MARCHF7: variants seen among roughly 807,000 people sequenced by gnomAD.
MARCHF7 encodes E3 ubiquitin-protein ligase MARCHF7.
In MARCHF7, 20 loss-of-function variants were observed where a neutral mutation model predicts 76.5. The observed-to-expected ratio is 0.26, with a 90% CI of 0.18 to 0.38. The LOEUF is 0.38. Ranked by LOEUF, MARCHF7 falls within the 10% of genes least tolerant of loss-of-function variation. The probability of loss-of-function intolerance (pLI) is 1.00; values close to 1 mark genes in which losing one functional copy is unlikely to be tolerated. For missense variants in MARCHF7, 797 were observed against 812.9 expected (o/e 0.98, Z 0.24); for synonymous variants, 295 against 293.0 (o/e 1.01, Z -0.07).
At position 159,735,058 on chromosome 2, in the gene MARCHF7, A is replaced by G. The variant is rs76935592; in HGVS notation, c.153+5883A>G. ...GTCTTAAAGTGTACAGTGGAGTGAC[A>G]TGAGTTTCTTCTGCATTGGTGTGGA... On this transcript the variant is annotated intron_variant, in intron 4 of 11. Transcript: ENST00000409175. Among the ~76,000 whole-genome samples, 516 of 152,308 alleles carry G rather than the reference A, an allele frequency of 3.4e-3. 1 individual carries two copies. The highest frequency in any genetic ancestry group is 0.012 in the African/African-American group (483 of 41,568).
At chr2:159,748,973 C>CTTTTTTTTTTTTTTTT (rs1210018083) in intron 7 of MARCHF7, 70 bp downstream of exon 7, 24 of 684,696 alleles carry the variant, frequency 3.5e-5, no homozygotes, top group African/African-American at 2.9e-4. Context: ...TCTTTTTTTT[C>CTTTTTTTTTTTTTTTT]TTTTCTTTTT....
intron 11 of MARCHF7, among the ~76,000 whole-genome samples, chr2:159,765,899 G>T (rs1455501887): frequency 1.3e-5 from 2 of 151,978 alleles, no homozygotes; most frequent in African/African-American, 4.8e-5. Flanking sequence ...CTAATACAAA[G>T]GTCTCTTCTT....
chr2:159,715,571 C>T (rs1700943049), intron 2 of MARCHF7, 110 bp from the exon 3 acceptor site: 1 of 152,142 alleles, frequency 6.6e-6, no homozygotes, highest in South Asian at 2.1e-4. Context: ...GTCTCCAACT[C>T]CTTAGCTCAA....
At chr2:159,727,930 A>G (rs1475824360) in intron 3 of MARCHF7, among the ~76,000 whole-genome samples, 1 of 152,254 alleles carries the variant, frequency 6.6e-6, no homozygotes, top group Non-Finnish European at 1.5e-5. Flanking sequence ...TTATTAATCT[A>G]TAAAGTGGAA....
chr2:159,728,231 A>G (rs1034875103), intron 3 of MARCHF7, among the ~76,000 whole-genome samples: 1 of 152,246 alleles, frequency 6.6e-6, no homozygotes, highest in African/African-American at 2.4e-5. Context: ...TCAGTGAACT[A>G]ACAGATAATC....
chr2:159,732,297 T>G (rs189936186), intron 4 of MARCHF7, among the ~76,000 whole-genome samples: 1 of 152,186 alleles, frequency 6.6e-6, no homozygotes, highest in Admixed American at 6.5e-5. Context: ...GTAGAATTTT[T>G]AAAATCTTTA....
chr2:159,747,463 G>A (rs758958190), intron 6 of MARCHF7, among the ~76,000 whole-genome samples: 3 of 151,604 alleles, frequency 2.0e-5, no homozygotes, highest in Non-Finnish European at 2.9e-5. Context: ...GTTCAAAATC[G>A]TCTCAATTTA....
chr2:159,741,947 A>G (rs1239960441), intron 4 of MARCHF7, among the ~76,000 whole-genome samples: 1 of 152,150 alleles, frequency 6.6e-6, no homozygotes, highest in Admixed American at 6.5e-5. Context: ...CTTTGCCATG[A>G]TGGAAACATT....
chr2:159,738,365 G>T (rs1385473835), intron 4 of MARCHF7, among the ~76,000 whole-genome samples: 2 of 152,176 alleles, frequency 1.3e-5, no homozygotes, highest in African/African-American at 2.4e-5. Context: ...CATGGTGAGT[G>T]GGGGGTAGGA....
Position 159,743,100 on chromosome 2 carries a change from G to C in MARCHF7, c.193G>C (p.Ala65Pro), listed in dbSNP as rs112151628. The change falls in exon 5 of 12, where the codon GCA (alanine) becomes CCA (proline). Residue 65 changes from alanine (A) to proline (P), a missense_variant. Coordinates refer to ENST00000409175, the MANE Select transcript of MARCHF7 (RefSeq NM_001282805.2). The stretch of plus-strand genomic sequence containing the variant: ...AGCATCTGCGTCACCATTTCAATCT[G>C]CATGGTATAGTGAATCTGAGATAAC... ...ASASASPFQS[A>P]WYSESEITQG... 1 of 1,613,970 alleles carries C rather than the reference G, an allele frequency of 6.2e-7. No individual in the cohort carries two copies. Among genetic ancestry groups the C allele is most frequent in the Non-Finnish European group, 8.5e-7 (1 of 1,180,018 alleles).
intron 8 of MARCHF7, among the ~76,000 whole-genome samples, chr2:159,757,029 G>T (rs1171913725): frequency 6.6e-6 from 1 of 152,096 alleles, no homozygotes; most frequent in African/African-American, 2.4e-5. Context: ...AGTTAGCTGG[G>T]ATTATAGGTG....
rs1173465966 is a variant in MARCHF7 at position 159,759,403 on chromosome 2, A to ATT, written c.1893+69_1893+70dup. 9.8e-5 allele frequency: 71 copies of ATT among 725,466 alleles called. No homozygotes were observed. In the East Asian group the frequency reaches 1.9e-3, roughly 20 times the overall value. 44.9% of individuals were successfully genotyped at this position (725,466 alleles called of 1,614,324 possible). A position where few individuals can be genotyped will look rare whatever the true frequency, so the allele number is the denominator to read the frequency against. On this transcript the variant is annotated intron_variant, in intron 9 of 11. Coordinates refer to ENST00000409175, the MANE Select transcript of MARCHF7 (RefSeq NM_001282805.2). ...TTCAAGGACAGCTCTTGAAGAAAAG[A>ATT]TTAAATCATGGTCAGAAACCTTGCA... is the stretch of plus-strand genomic sequence containing the variant.
intron 11 of MARCHF7, 109 bp downstream of exon 11, chr2:159,764,783 G>C (rs1460705208): frequency 1.5e-6 from 1 of 645,542 alleles, no homozygotes; most frequent in Non-Finnish European, 2.5e-6. Flanking sequence ...CTCATTTATA[G>C]GCTTAGTAAT....
rs372649439 is a variant in MARCHF7 at position 159,717,220 on chromosome 2, G to C, written c.-15+1454G>C. 2.7e-3 allele frequency among the ~76,000 whole-genome samples: 406 copies of C among 152,294 alleles called. 26 individuals are homozygous for C. In the South Asian group the frequency reaches 0.081, roughly 30 times the overall value. On this transcript the variant is annotated intron_variant, in intron 3 of 11. Coordinates refer to ENST00000409175, the MANE Select transcript of MARCHF7 (RefSeq NM_001282805.2). ...ATTCTCTTAGTCACACAAGACTGGG[G>C]TGGGGAAGTAAGACTGCCTCATCCT...
chr2:159,760,525 CTG>C (rs1403340631), intron 9 of MARCHF7, among the ~76,000 whole-genome samples: 4 of 152,184 alleles, frequency 2.6e-5, no homozygotes, highest in Non-Finnish European at 5.9e-5. Flanking sequence ...AGGGAGTTCT[CTG>C]TAGCTGGCTG....
intron 3 of MARCHF7, among the ~76,000 whole-genome samples, chr2:159,728,674 T>TA (rs1702438476): frequency 6.6e-6 from 1 of 152,104 alleles, no homozygotes; most frequent in Admixed American, 6.5e-5. Flanking sequence ...ACACTAAAAA[T>TA]AGAGAATACC....
intron 6 of MARCHF7, 55 bp downstream of exon 6, chr2:159,745,992 ATG>A: frequency 7.0e-7 from 1 of 1,438,404 alleles, no homozygotes; most frequent in Non-Finnish European, 9.6e-7. Context: ...TTTCCTCTTT[ATG>A]CATGTTACTA....
chr2:159,729,189 T>G lies in MARCHF7; in HGVS notation c.153+14T>G, dbSNP rs374812696. 1.8e-5 allele frequency: 29 copies of G among 1,578,342 alleles called. No homozygotes were observed. The highest frequency in any genetic ancestry group is 2.1e-5 in the Non-Finnish European group (24 of 1,162,790). ...TCTGAATATCAGGTAACATTTTTAT[T>G]TGGAATATATGTATACAGCCTTTTT... On this transcript the variant is annotated intron_variant, in intron 4 of 11. Coordinates refer to ENST00000409175, the MANE Select transcript of MARCHF7 (RefSeq NM_001282805.2).
At chr2:159,757,659 A>G (rs1706500272) in intron 8 of MARCHF7, among the ~76,000 whole-genome samples, 1 of 152,220 alleles carries the variant, frequency 6.6e-6, no homozygotes, top group Non-Finnish European at 1.5e-5. Context: ...AAACATGTAG[A>G]AATAAATGGG....
Sources: gnomAD v4.1 joint callset for allele counts (sites outside exome capture counted in the v4.1 genomes callset) on GRCh38, gnomAD v4.1.1 for gene constraint, MANE v1.5 for transcripts, NCBI Gene and HGNC (gene_info 2026-07-23, HGNC 2026-07-21) for gene names.